PTPRG: variants seen among roughly 807,000 people sequenced by gnomAD.
PTPRG encodes the protein protein tyrosine phosphatase receptor type G.
In PTPRG, 102 loss-of-function variants were observed where a neutral mutation model predicts 165.3. The observed-to-expected ratio is 0.62, with a 90% CI of 0.53 to 0.73. The LOEUF is 0.73. Ranked by LOEUF, PTPRG falls within the 30% of genes least tolerant of loss-of-function variation. The probability of loss-of-function intolerance (pLI) is 0.00; values close to 1 mark genes in which losing one functional copy is unlikely to be tolerated. For missense variants in PTPRG, 1,866 were observed against 1,861.4 expected, an observed-to-expected ratio of 1.00 and a Z score of -0.05; for synonymous variants, 675 against 669.5, an observed-to-expected ratio of 1.01 and a Z score of -0.13.
In PTPRG at chr3:62,275,932, CAAAG is replaced by C; in HGVS notation, c.3529_3532del (p.Glu1177ArgfsTer23). 1.2e-6 allele frequency: 2 copies of C among 1,611,560 alleles called. No individual in the cohort carries two copies. Among genetic ancestry groups the C allele is most frequent in the Non-Finnish European group, 1.7e-6 (2 of 1,178,356 alleles). On this transcript the variant is annotated frameshift_variant, in exon 24 of 30. Coordinates refer to ENST00000474889, the MANE Select transcript of PTPRG (RefSeq NM_002841.4). LOFTEE classifies it high-confidence loss of function. ...GTTTCAGTGCTCAGAAAGAGTGTAA[CAAAG>C]AAAAGAACAGAAACTCTTCAGTTGT...
Position 62,294,912 on chromosome 3 carries a change from T to G in PTPRG, c.*1605T>G, listed in dbSNP as rs888408578. 6.6e-6 allele frequency: 1 copy of G among 152,126 alleles called. No homozygotes were observed. The allele number at this position is 152,126 out of a possible 1,614,324, so 9.4% of individuals were successfully genotyped here. A position where few individuals can be genotyped will look rare whatever the true frequency, so the allele number is the denominator to read the frequency against. On this transcript the variant is annotated 3_prime_UTR_variant, in exon 30 of 30. Transcript: ENST00000474889. ...GATCAGCACTGAGGTTCTATTTATCTTGATTTGGCTTTCATAAAGTTTGTC... is the reference window on the plus strand; with the variant it reads ...GATCAGCACTGAGGTTCTATTTATCGTGATTTGGCTTTCATAAAGTTTGTC...
chr3:61,854,342 A>G (rs752584593), intron 2 of PTPRG, among the ~76,000 whole-genome samples: 10 of 152,146 alleles, frequency 6.6e-5, no homozygotes, highest in Non-Finnish European at 1.2e-4. Context: ...CTTATCTGTA[A>G]AATAGGTCTG....
At chr3:61,887,460 T>C (rs2038083335) in intron 2 of PTPRG, among the ~76,000 whole-genome samples, 1 of 152,098 alleles carries the variant, frequency 6.6e-6, no homozygotes, top group Admixed American at 6.5e-5. Context: ...GTCCCCAGTC[T>C]TGAAGTGTAT....
chr3:61,917,657 T>C (rs1012903534), intron 2 of PTPRG, among the ~76,000 whole-genome samples: 8 of 152,144 alleles, frequency 5.3e-5, no homozygotes, highest in Non-Finnish European at 8.8e-5. Flanking sequence ...AGGCGGGGCG[T>C]GGTGGCTCAC....
intron 8 of PTPRG, among the ~76,000 whole-genome samples, chr3:62,170,345 T>C (rs1705169147): frequency 6.6e-6 from 1 of 152,176 alleles, no homozygotes; most frequent in African/African-American, 2.4e-5. Flanking sequence ...GTGAGAGTTA[T>C]ATGCAGAGGA....
chr3:62,246,862 T>C (rs963725218), intron 15 of PTPRG, among the ~76,000 whole-genome samples: 1 of 152,152 alleles, frequency 6.6e-6, no homozygotes, highest in Non-Finnish European at 1.5e-5. Flanking sequence ...ATTTTACCAC[T>C]TGGGCTCTTC....
intron 2 of PTPRG, among the ~76,000 whole-genome samples, chr3:61,983,001 A>G (rs1325537864): frequency 6.6e-6 from 1 of 152,196 alleles, no homozygotes; most frequent in Non-Finnish European, 1.5e-5. Flanking sequence ...ATTTAAAACC[A>G]AAAAATGTGT....
chr3:61,976,461 G>A (rs946662790), intron 2 of PTPRG, among the ~76,000 whole-genome samples: 11 of 152,184 alleles, frequency 7.2e-5, no homozygotes, highest in Non-Finnish European at 1.3e-4. Flanking sequence ...TGGAAGAGTT[G>A]TATAAACTTG....
At chr3:62,160,558 G>A (rs1207395378) in intron 7 of PTPRG, among the ~76,000 whole-genome samples, 4 of 152,218 alleles carry the variant, frequency 2.6e-5, no homozygotes, top group African/African-American at 7.2e-5. Flanking sequence ...CAGAGGAGCC[G>A]GACAACACAT....
At chr3:62,180,737 C>T (rs962466117) in intron 8 of PTPRG, among the ~76,000 whole-genome samples, 5 of 152,108 alleles carry the variant, frequency 3.3e-5, no homozygotes, top group African/African-American at 1.2e-4. Context: ...AATGCTCTTT[C>T]CTGCACAGGA....
At chr3:61,745,129 C>A (rs2033148865) in intron 1 of PTPRG, among the ~76,000 whole-genome samples, 2 of 146,888 alleles carry the variant, frequency 1.4e-5, no homozygotes, top group Non-Finnish European at 3.0e-5. Flanking sequence ...CGGCTCTCTG[C>A]AAGCTCCGCC....
rs745520702 is a variant in PTPRG at position 61,639,742 on chromosome 3, T to C, written c.85+77370T>C. ...ATTGGTCTATAGAAATGCTACTGGT[T>C]TTTATACATTAATTTTGTATCTCGA... is the stretch of plus-strand genomic sequence containing the variant. On this transcript the variant is annotated intron_variant, in intron 1 of 29. Transcript: ENST00000474889. Among the ~76,000 whole-genome samples the C allele has an allele frequency of 1.2e-4, 18 of 152,322 alleles. No homozygotes were observed. The South Asian group carries it at 1.9e-3, about 16-fold the overall frequency.
At chr3:61,731,708 T>C (rs1172322870) in intron 1 of PTPRG, among the ~76,000 whole-genome samples, 1 of 152,126 alleles carries the variant, frequency 6.6e-6, no homozygotes. Context: ...ACATTCTAGA[T>C]GGAAATTTCT....
intron 2 of PTPRG, among the ~76,000 whole-genome samples, chr3:61,775,211 C>T (rs2034336114): frequency 6.6e-6 from 1 of 152,138 alleles, no homozygotes; most frequent in Non-Finnish European, 1.5e-5. Flanking sequence ...GCTGGGATTA[C>T]AGGCATTTGC....
At position 62,222,616 on chromosome 3, in the gene PTPRG, A is replaced by T. The variant is rs954661180; in HGVS notation, c.2288+3633A>T. Among the ~76,000 whole-genome samples the T allele has an allele frequency of 6.6e-6, 1 of 152,216 alleles. No homozygotes were observed. Among genetic ancestry groups the T allele is most frequent in the African/African-American group, 2.4e-5 (1 of 41,452 alleles). On this transcript the variant is annotated intron_variant, in intron 13 of 29. Transcript: ENST00000474889. The surrounding 1 kb of genome is among the most constrained non-coding windows in gnomAD (Gnocchi z 4.5). ...CAGAAGTAGGATCAGTACCATTGCCATCAAAACCTTGGACTGAAGCCGAAC... is the reference window on the plus strand; with the variant it reads ...CAGAAGTAGGATCAGTACCATTGCCTTCAAAACCTTGGACTGAAGCCGAAC...
At chr3:61,833,022 T>C (rs1416809639) in intron 2 of PTPRG, among the ~76,000 whole-genome samples, 1 of 152,008 alleles carries the variant, frequency 6.6e-6, no homozygotes, top group African/African-American at 2.4e-5. Flanking sequence ...CAGGTTGCTG[T>C]GAATGCCATT....
intron 2 of PTPRG, among the ~76,000 whole-genome samples, chr3:61,855,847 G>T (rs541892101): frequency 6.6e-6 from 1 of 152,082 alleles, no homozygotes; most frequent in East Asian, 1.9e-4. Flanking sequence ...TTGGAGGTTG[G>T]CATTAAACCA....
intron 6 of PTPRG, among the ~76,000 whole-genome samples, chr3:62,142,635 A>G (rs1559560121): frequency 6.6e-6 from 1 of 152,136 alleles, no homozygotes; most frequent in Non-Finnish European, 1.5e-5. Context: ...AAACTTTCTT[A>G]CCATAACTAC....
chr3:62,202,290 C>T (rs143090118), intron 11 of PTPRG, among the ~76,000 whole-genome samples: 23 of 152,206 alleles, frequency 1.5e-4, no homozygotes, highest in Non-Finnish European at 2.9e-4. Flanking sequence ...AAGAACAAGC[C>T]GAGTCTTAGA....
Sources: gnomAD v4.1 joint callset for allele counts (sites outside exome capture counted in the v4.1 genomes callset) on GRCh38, gnomAD v4.1.1 for gene constraint, Gnocchi (gnomAD v3.1) non-coding constraint, MANE v1.5 for transcripts, NCBI Gene and HGNC (gene_info 2026-07-23, HGNC 2026-07-21) for gene names.